WWOX: variants seen among roughly 807,000 people sequenced by gnomAD.
WWOX encodes the protein WW domain containing oxidoreductase, also known as WW domain-containing oxidoreductase.
In WWOX, 69 loss-of-function variants were observed where a neutral mutation model predicts 46.2. That is an observed-to-expected ratio of 1.49 (90% CI 1.23 to 1.82). WWOX has a LOEUF of 1.82. Ranked by LOEUF, WWOX falls within the 40% of genes most tolerant of loss-of-function variation. The pLI is 0.00. For missense variants in WWOX, 919 were observed against 542.6 expected (o/e 1.69, Z -6.89); for synonymous variants, 359 against 202.6 (o/e 1.77, Z -6.56).
intron 5 of WWOX, among the ~76,000 whole-genome samples, chr16:78,254,499 C>CTTTTTTTTTTTT (rs1597405923): frequency 9.6e-5 from 5 of 52,118 alleles, no homozygotes; most frequent in African/African-American, 6.0e-4. Context: ...TCTTTTCTTT[C>CTTTTTTTTTTTT]TTGTTTTTTT....
chr16:78,748,786 G>C (rs9934595), intron 8 of WWOX, among the ~76,000 whole-genome samples: 10,419 of 152,224 alleles, frequency 0.068, 900 homozygotes, highest in African/African-American at 0.18. Flanking sequence ...ATCTGCATGC[G>C]TCTTGCCCTC....
intron 8 of WWOX, among the ~76,000 whole-genome samples, chr16:78,485,232 G>T (rs1242407560): frequency 6.6e-6 from 1 of 152,028 alleles, no homozygotes; most frequent in Non-Finnish European, 1.5e-5. Context: ...TATACTCCCT[G>T]TCCTCACACA....
chr16:79,104,037 T>TGGGGGG (rs58934537), intron 8 of WWOX, among the ~76,000 whole-genome samples: 11 of 38,382 alleles, frequency 2.9e-4, no homozygotes, highest in Admixed American at 4.2e-4. Context: ...TGCCCTTTTT[T>TGGGGGG]GGGGGGGGGG....
intron 8 of WWOX, among the ~76,000 whole-genome samples, chr16:79,096,806 A>T (rs1234415602): frequency 6.6e-6 from 1 of 152,060 alleles, no homozygotes; most frequent in African/African-American, 2.4e-5. Context: ...CAAATTTTTG[A>T]TCTTAATACA....
At chr16:79,010,997 A>G (rs551754396) in intron 8 of WWOX, among the ~76,000 whole-genome samples, 32 of 152,110 alleles carry the variant, frequency 2.1e-4, no homozygotes, top group Non-Finnish European at 4.0e-4. Flanking sequence ...GAGGAGTAGC[A>G]CGATCTGGCT....
rs532214535 is a variant in WWOX, at chr16:78,099,926, C to T, written c.107+41C>T. The T allele has an allele frequency of 2.3e-4, 360 of 1,545,700 alleles. 3 individuals are homozygous for T. In the South Asian group the frequency reaches 3.6e-3, roughly 16 times the overall value. Reference sequence around the variant, plus strand: ...TGGGGCCGCGGACGCACCTGGGACCCTGCACAGCCCACGGACGCCACCTGC... The same window carrying T: ...TGGGGCCGCGGACGCACCTGGGACCTTGCACAGCCCACGGACGCCACCTGC... On this transcript the variant is annotated intron_variant, in intron 1 of 8. Coordinates refer to ENST00000566780, the MANE Select transcript of WWOX (RefSeq NM_016373.4).
At chr16:78,364,469 A>G (rs201681742) in intron 5 of WWOX, among the ~76,000 whole-genome samples, 596 of 26,762 alleles carry the variant, frequency 0.022, 4 homozygotes, top group African/African-American at 0.036. Context: ...GGGTGCCCGG[A>G]ATATCTGATC....
At chr16:79,003,780 G>C (rs1399822561) in intron 8 of WWOX, among the ~76,000 whole-genome samples, 1 of 152,162 alleles carries the variant, frequency 6.6e-6, no homozygotes, top group Non-Finnish European at 1.5e-5. Flanking sequence ...TTCTGACTTA[G>C]TCTCAGAAGG....
At chr16:79,079,616 C>T (rs1243658630) in intron 8 of WWOX, among the ~76,000 whole-genome samples, 3 of 152,212 alleles carry the variant, frequency 2.0e-5, no homozygotes, top group Non-Finnish European at 2.9e-5. Context: ...TCGGCTTTGA[C>T]CTGTCATTCA....
chr16:78,413,653 G>A (rs935495244), intron 6 of WWOX, among the ~76,000 whole-genome samples: 5 of 151,634 alleles, frequency 3.3e-5, no homozygotes, highest in African/African-American at 9.7e-5. Flanking sequence ...GGATGCATAC[G>A]AGCAGGTCAC....
At chr16:78,358,860 T>G (rs2081351070) in intron 5 of WWOX, among the ~76,000 whole-genome samples, 1 of 113,446 alleles carries the variant, frequency 8.8e-6, no homozygotes, top group Non-Finnish European at 1.9e-5. Flanking sequence ...GAAATCACAC[T>G]GTGGTCTTTT....
intron 8 of WWOX, among the ~76,000 whole-genome samples, chr16:78,632,430 G>A (rs752523831): frequency 3.9e-5 from 6 of 152,028 alleles, no homozygotes; most frequent in South Asian, 4.2e-4. Context: ...ACTTAACGTC[G>A]CAGATGTTAT....
chr16:78,929,886 C>T (rs2045580967), intron 8 of WWOX, among the ~76,000 whole-genome samples: 1 of 152,120 alleles, frequency 6.6e-6, no homozygotes, highest in Non-Finnish European at 1.5e-5. Context: ...TCTAGCCCAT[C>T]CTTCTTTCTT....
At chr16:78,832,378 C>T (rs1218179980) in intron 8 of WWOX, among the ~76,000 whole-genome samples, 3 of 152,166 alleles carry the variant, frequency 2.0e-5, no homozygotes. Flanking sequence ...TCTTAGACAT[C>T]ATGCACTGTC....
intron 8 of WWOX, among the ~76,000 whole-genome samples, chr16:78,549,974 A>T (rs529102864): frequency 6.6e-6 from 1 of 152,190 alleles, no homozygotes; most frequent in Non-Finnish European, 1.5e-5. Flanking sequence ...GAAAATTCCC[A>T]TCCCACCCCC....
intron 8 of WWOX, among the ~76,000 whole-genome samples, chr16:79,015,957 G>T (rs1003352901): frequency 7.2e-5 from 11 of 152,120 alleles, no homozygotes; most frequent in Admixed American, 3.9e-4. Context: ...CGCCATGTTG[G>T]CCAGGATGAT....
chr16:78,139,638 C>G (rs2033918597), intron 4 of WWOX, among the ~76,000 whole-genome samples: 1 of 152,178 alleles, frequency 6.6e-6, no homozygotes, highest in Non-Finnish European at 1.5e-5. Context: ...GAGTGAGACT[C>G]TGTCTCTAAA....
rs368929558 is a variant in WWOX at position 78,099,763 on chromosome 16, G to A, written c.-16G>A. 7 of 1,533,792 alleles carry A rather than the reference G, an allele frequency of 4.6e-6. No homozygotes were observed. The African/African-American group carries it at 8.4e-5, about 18-fold the overall frequency. On this transcript the variant is annotated 5_prime_UTR_variant, in exon 1 of 9. Transcript: ENST00000566780. ...GCAGCGGGCGATAGGGGGGCCAGGT[G>A]CCTCCACAGTCAGCCATGGCAGCGC...
At chr16:78,601,121 C>G (rs752345473) in intron 8 of WWOX, among the ~76,000 whole-genome samples, 19 of 152,202 alleles carry the variant, frequency 1.2e-4, no homozygotes, top group Non-Finnish European at 2.4e-4. Flanking sequence ...AGTGACATGG[C>G]TCCTCGCACA....
Sources: allele counts gnomAD v4.1 joint callset (sites outside exome capture counted in the v4.1 genomes callset), GRCh38; gene constraint gnomAD v4.1.1; transcripts MANE v1.5; gene names NCBI Gene and HGNC (gene_info 2026-07-23, HGNC 2026-07-21).